The following LRRTM4 variants were observed in gnomAD, a reference collection of about 807,000 sequenced individuals.
LRRTM4 encodes the protein leucine-rich repeat transmembrane neuronal protein 4.
Under a neutral mutation model 47.6 loss-of-function variants are expected in LRRTM4, and 25 were observed. The ratio of observed to expected loss-of-function variants is 0.53; its 90% CI spans 0.38 to 0.73. The LOEUF (loss-of-function observed/expected upper bound fraction) is 0.73, where lower values mean the gene tolerates loss of function less well. Among genes scored for constraint, LRRTM4 ranks in the 30% least tolerant of loss-of-function variants. LRRTM4 has a pLI of 0.00. For missense variants in LRRTM4, 638 were observed against 713.4 expected, an observed-to-expected ratio of 0.89 and a Z score of 1.20; for synonymous variants, 311 against 269.5, an observed-to-expected ratio of 1.15 and a Z score of -1.51.
At chr2:76,751,660 G>C (rs568707791) in intron 3 of LRRTM4, among the ~76,000 whole-genome samples, 1 of 152,084 alleles carries the variant, frequency 6.6e-6, no homozygotes, top group Admixed American at 6.5e-5. Flanking sequence ...ATCAGTACAG[G>C]TTCAGACGTA....
intron 3 of LRRTM4, among the ~76,000 whole-genome samples, chr2:77,042,801 C>T (rs924284790): frequency 6.6e-6 from 1 of 151,708 alleles, no homozygotes; most frequent in Non-Finnish European, 1.5e-5. Context: ...AACTTCAGGA[C>T]CTAAGGCTCC....
At chr2:77,409,606 T>A (rs1009243976) in intron 3 of LRRTM4, among the ~76,000 whole-genome samples, 3 of 152,134 alleles carry the variant, frequency 2.0e-5, no homozygotes, top group South Asian at 2.1e-4. Context: ...ACTTTAAGAC[T>A]TTTTTTCTTT....
At chr2:77,360,049 A>T (rs2104312622) in intron 3 of LRRTM4, among the ~76,000 whole-genome samples, 1 of 152,286 alleles carries the variant, frequency 6.6e-6, no homozygotes, top group South Asian at 2.1e-4. Flanking sequence ...AGCAAGAGAA[A>T]TCTTATGTTT....
chr2:77,181,690 G>C (rs1345783790), intron 3 of LRRTM4, among the ~76,000 whole-genome samples: 1 of 152,106 alleles, frequency 6.6e-6, no homozygotes, highest in African/African-American at 2.4e-5. Flanking sequence ...GTATTATTAA[G>C]TAGGAAGCAG....
intron 3 of LRRTM4, among the ~76,000 whole-genome samples, chr2:76,893,604 A>C (rs911894822): frequency 1.3e-5 from 2 of 151,772 alleles, no homozygotes; most frequent in Non-Finnish European, 2.9e-5. Flanking sequence ...TCCTACAGTT[A>C]AGACATGCAT....
In LRRTM4 at chr2:76,887,271, A is replaced by T. The variant is rs187617281; in HGVS notation, c.1552-138355T>A. On this transcript the variant is annotated intron_variant, in intron 3 of 3. Transcript: ENST00000409884. Reference sequence around the variant, plus strand: ...CAAAGTAGATTCAAGAGGGTATAGCATTATCATGAGAAAGTTAACATATAA... The same window carrying T: ...CAAAGTAGATTCAAGAGGGTATAGCTTTATCATGAGAAAGTTAACATATAA... 1.1e-4 allele frequency among the ~76,000 whole-genome samples: 16 copies of T among 151,900 alleles called. No homozygotes were observed. The East Asian group carries it at 2.5e-3, about 24-fold the overall frequency.
At chr2:77,466,287 G>T (rs767778596) in intron 3 of LRRTM4, among the ~76,000 whole-genome samples, 1 of 152,174 alleles carries the variant, frequency 6.6e-6, no homozygotes, top group African/African-American at 2.4e-5. Flanking sequence ...GACCCCAAAT[G>T]AATTACTTCA....
chr2:76,815,130 A>G (rs1670863435), intron 3 of LRRTM4, among the ~76,000 whole-genome samples: 1 of 152,002 alleles, frequency 6.6e-6, no homozygotes. Context: ...GAAAAGAAAT[A>G]AATAAGAAAA....
intron 3 of LRRTM4, among the ~76,000 whole-genome samples, chr2:77,490,142 C>G (rs1035672358): frequency 2.0e-5 from 3 of 151,916 alleles, no homozygotes; most frequent in African/African-American, 7.3e-5. Flanking sequence ...TCCAGCTACT[C>G]AGGAGGCTGA....
chr2:77,197,873 G>T (rs928699242), intron 3 of LRRTM4, among the ~76,000 whole-genome samples: 28 of 152,148 alleles, frequency 1.8e-4, no homozygotes, highest in African/African-American at 5.8e-4. Context: ...CATAGAGAAG[G>T]TTCCATTTTT....
intron 3 of LRRTM4, among the ~76,000 whole-genome samples, chr2:76,890,085 G>T (rs1237839152): frequency 6.6e-6 from 1 of 151,834 alleles, no homozygotes. Context: ...AGAAATAACT[G>T]TAGCACACAC....
intron 3 of LRRTM4, among the ~76,000 whole-genome samples, chr2:76,961,830 C>T (rs1675871084): frequency 6.6e-6 from 1 of 151,238 alleles, no homozygotes; most frequent in Non-Finnish European, 1.5e-5. Context: ...CAATAATATA[C>T]TCTAAAATTT....
intron 3 of LRRTM4, among the ~76,000 whole-genome samples, chr2:76,950,334 G>C (rs1675455659): frequency 6.6e-6 from 1 of 151,884 alleles, no homozygotes; most frequent in African/African-American, 2.4e-5. Flanking sequence ...TTCAGGTATT[G>C]GGATGGAGTC....
chr2:77,236,168 A>G (rs1675098789), intron 3 of LRRTM4, among the ~76,000 whole-genome samples: 1 of 151,986 alleles, frequency 6.6e-6, no homozygotes, highest in Non-Finnish European at 1.5e-5. Context: ...ATGCTTTTCC[A>G]TTTGTTTGTG....
At chr2:76,968,365 TATATATATATATATATATAC>T (rs1558767825) in intron 3 of LRRTM4, among the ~76,000 whole-genome samples, 1 of 126,838 alleles carries the variant, frequency 7.9e-6, no homozygotes, top group African/African-American at 2.8e-5. Context: ...TATATATATA[TATATATATATATATATATAC>T]ACATACATAC....
At chr2:76,783,091 G>C (rs1039184143) in intron 3 of LRRTM4, among the ~76,000 whole-genome samples, 3 of 152,094 alleles carry the variant, frequency 2.0e-5, no homozygotes, top group Non-Finnish European at 4.4e-5. Context: ...AGAATATTCA[G>C]ACAAGCATTA....
In LRRTM4 at chr2:77,352,341, G is replaced by T. The variant is rs374370340; in HGVS notation, c.1551+165977C>A. Among the ~76,000 whole-genome samples, 71 of 152,118 alleles carry T rather than the reference G, an allele frequency of 4.7e-4. 1 individual carries two copies. The South Asian group carries it at 0.015, about 31-fold the overall frequency. On this transcript the variant is annotated intron_variant, in intron 3 of 3. Transcript: ENST00000409884. ...GAAAATTTGTTAGTTTCCTACATTT[G>T]ACTGCAATGAAGAGTAAATTCAAGC...
At chr2:76,957,671 G>C (rs1675717819) in intron 3 of LRRTM4, among the ~76,000 whole-genome samples, 1 of 151,526 alleles carries the variant, frequency 6.6e-6, no homozygotes, top group Non-Finnish European at 1.5e-5. Flanking sequence ...GGATTTAATA[G>C]TACCTCAGGA....
chr2:76,853,838 T>G (rs192791691), intron 3 of LRRTM4, among the ~76,000 whole-genome samples: 10 of 152,292 alleles, frequency 6.6e-5, no homozygotes, highest in Non-Finnish European at 1.5e-4. Context: ...CTACAGTAGA[T>G]CCTACATCCT....
Sources: allele counts gnomAD v4.1 joint callset (sites outside exome capture counted in the v4.1 genomes callset), GRCh38; gene constraint gnomAD v4.1.1; transcripts MANE v1.5; gene names NCBI Gene and HGNC (gene_info 2026-07-23, HGNC 2026-07-21).